The following CNTN4 variants were observed in gnomAD, a reference collection of about 807,000 sequenced individuals.
CNTN4 encodes the protein contactin-4.
CNTN4 carries 77 observed loss-of-function variants against 122.5 expected under a neutral mutation model. That is an observed-to-expected ratio of 0.63 (90% CI 0.52 to 0.76). The LOEUF (loss-of-function observed/expected upper bound fraction) is 0.76, where lower values mean the gene tolerates loss of function less well. CNTN4 is among the 30% of genes least tolerant of loss of function. CNTN4 has a pLI of 0.00. For synonymous variants in CNTN4, 512 were observed against 447.0 expected (o/e 1.15, Z -1.83); for missense variants, 1,256 against 1,259.1 (o/e 1.00, Z 0.04).
Position 2,126,924 on chromosome 3 carries a change from C to A in CNTN4, c.-145+26285C>A, listed in dbSNP as rs187883348. On this transcript the variant is annotated intron_variant, in intron 2 of 24. Transcript: ENST00000418658. ...GCTGCACAAGTGTGGCACACCTGGA[C>A]CTCACCTAGATGGAGGGTGGTTCGA... is the stretch of plus-strand genomic sequence containing the variant. Among the ~76,000 whole-genome samples the A allele has an allele frequency of 1.8e-4, 27 of 152,232 alleles. 1 individual carries two copies. In the East Asian group the frequency reaches 4.8e-3, roughly 27 times the overall value.
intron 2 of CNTN4, among the ~76,000 whole-genome samples, chr3:2,272,020 A>T (rs1192640281): frequency 6.6e-6 from 1 of 152,178 alleles, no homozygotes; most frequent in African/African-American, 2.4e-5. Flanking sequence ...CAGGTTGTAA[A>T]ACAGTATTTC....
intron 8 of CNTN4, among the ~76,000 whole-genome samples, chr3:2,870,882 A>T (rs1414459777): frequency 6.6e-6 from 1 of 152,216 alleles, no homozygotes; most frequent in Non-Finnish European, 1.5e-5. Flanking sequence ...ACAGTGAGTC[A>T]TAAAAGTTGA....
intron 12 of CNTN4, among the ~76,000 whole-genome samples, chr3:2,909,033 C>T (rs1423572615): frequency 1.3e-5 from 2 of 151,956 alleles, no homozygotes; most frequent in Non-Finnish European, 2.9e-5. Flanking sequence ...TGATTGGCTC[C>T]CAAATTAGAA....
chr3:2,599,068 C>T (rs548968498), intron 4 of CNTN4, among the ~76,000 whole-genome samples: 1 of 152,012 alleles, frequency 6.6e-6, no homozygotes, highest in East Asian at 1.9e-4. Context: ...TGGTGTATAC[C>T]TTATAGATCA....
At chr3:2,615,981 T>C (rs1006477341) in intron 4 of CNTN4, among the ~76,000 whole-genome samples, 8 of 151,888 alleles carry the variant, frequency 5.3e-5, no homozygotes, top group African/African-American at 1.9e-4. Flanking sequence ...TTACAGTAGA[T>C]TATTTGGCAA....
rs1371599360 is a variant in CNTN4, at chr3:2,107,387, G to A, written c.-145+6748G>A. Among the ~76,000 whole-genome samples the A allele has an allele frequency of 2.6e-5, 4 of 152,292 alleles. No homozygotes were observed. In the East Asian group the frequency reaches 7.8e-4, roughly 30 times the overall value. ...CAACAGGAAACTTAAAATCATGGTG[G>A]AAGGGGAGAGAGAAGCAAAGGTATA... On this transcript the variant is annotated intron_variant, in intron 2 of 24. Transcript: ENST00000418658.
At chr3:2,778,415 AT>A (rs144579134) in intron 6 of CNTN4, among the ~76,000 whole-genome samples, 4,093 of 147,108 alleles carry the variant, frequency 0.028, 101 homozygotes, top group South Asian at 0.075. Flanking sequence ...GCCACTCATG[AT>A]TTTTTAAAAG....
intron 10 of CNTN4, among the ~76,000 whole-genome samples, chr3:2,895,977 G>A (rs1018432178): frequency 7.9e-5 from 12 of 152,192 alleles, no homozygotes; most frequent in African/African-American, 2.2e-4. Context: ...AGTTTGCAGC[G>A]AGCCAAGATG....
chr3:2,165,173 AT>A (rs2036142010), intron 2 of CNTN4, among the ~76,000 whole-genome samples: 1 of 152,034 alleles, frequency 6.6e-6, no homozygotes, highest in African/African-American at 2.4e-5. Flanking sequence ...AAATACAAAA[AT>A]TAGCTGGGTG....
chr3:2,766,735 A>G (rs1330598606), intron 6 of CNTN4, among the ~76,000 whole-genome samples: 1 of 152,166 alleles, frequency 6.6e-6, no homozygotes, highest in African/African-American at 2.4e-5. Context: ...GTTCCCCCAA[A>G]TCCTATGGAA....
At chr3:2,391,367 T>C (rs1024560583) in intron 3 of CNTN4, among the ~76,000 whole-genome samples, 3 of 152,196 alleles carry the variant, frequency 2.0e-5, no homozygotes, top group Non-Finnish European at 4.4e-5. Context: ...TTTACAACTG[T>C]ACTATCTCAG....
At chr3:2,603,097 T>G (rs188304981) in intron 4 of CNTN4, among the ~76,000 whole-genome samples, 2 of 134,354 alleles carry the variant, frequency 1.5e-5, no homozygotes, top group East Asian at 4.6e-4. Context: ...CATTTTTCTG[T>G]GCCTCTCAAT....
intron 4 of CNTN4, among the ~76,000 whole-genome samples, chr3:2,619,081 T>C (rs1185294813): frequency 6.6e-6 from 1 of 152,246 alleles, no homozygotes; most frequent in Non-Finnish European, 1.5e-5. Flanking sequence ...TTCTGTTTAC[T>C]TGAGTATCTC....
intron 3 of CNTN4, among the ~76,000 whole-genome samples, chr3:2,343,181 G>A (rs990614150): frequency 6.6e-6 from 1 of 152,088 alleles, no homozygotes; most frequent in African/African-American, 2.4e-5. Context: ...GTAAACCTAA[G>A]GGCAATTTGC....
At chr3:2,197,428 A>T (rs953391733) in intron 2 of CNTN4, among the ~76,000 whole-genome samples, 35 of 152,236 alleles carry the variant, frequency 2.3e-4, no homozygotes, top group African/African-American at 8.4e-4. Flanking sequence ...CAATTTATTG[A>T]GTACATATCA....
At chr3:2,912,471 C>T (rs771959405) in intron 12 of CNTN4, among the ~76,000 whole-genome samples, 26 of 152,002 alleles carry the variant, frequency 1.7e-4, no homozygotes, top group Non-Finnish European at 3.5e-4. Context: ...GGATGATAAA[C>T]AACACAAAAC....
At chr3:2,571,982 TACTG>T (rs1478737985) in intron 4 of CNTN4, among the ~76,000 whole-genome samples, 1 of 152,242 alleles carries the variant, frequency 6.6e-6, no homozygotes, top group African/African-American at 2.4e-5. Context: ...CATCTTCTGA[TACTG>T]ACTCTCTTTT....
chr3:2,304,025 A>G (rs1367346761), intron 2 of CNTN4, among the ~76,000 whole-genome samples: 1 of 152,194 alleles, frequency 6.6e-6, no homozygotes, highest in African/African-American at 2.4e-5. Context: ...TTTCCTGTAA[A>G]TCTAGGTTAC....
rs140720526 is a variant in CNTN4, at chr3:2,552,511, A to T, written c.-88-18905A>T. Among the ~76,000 whole-genome samples the T allele has an allele frequency of 4.5e-3, 689 of 152,310 alleles. 4 individuals are homozygous for T. Among genetic ancestry groups the T allele is most frequent in the Non-Finnish European group, 5.2e-3 (356 of 68,020 alleles). ...ATTTAAAAACATGTGGACTCTACCT[A>T]ACCTCAGAGAGCTTGCATGCTAATT... On this transcript the variant is annotated intron_variant, in intron 3 of 24. Transcript: ENST00000418658.
Sources: gnomAD v4.1 joint callset for allele counts (sites outside exome capture counted in the v4.1 genomes callset) on GRCh38, gnomAD v4.1.1 for gene constraint, MANE v1.5 for transcripts, NCBI Gene and HGNC (gene_info 2026-07-23, HGNC 2026-07-21) for gene names.